UNC5C: variants seen among roughly 807,000 people sequenced by gnomAD.
The protein encoded by UNC5C is netrin receptor UNC5C.
UNC5C carries 47 observed loss-of-function variants against 99.8 expected under a neutral mutation model. The ratio of observed to expected loss-of-function variants is 0.47; its 90% CI spans 0.37 to 0.60. UNC5C has a LOEUF of 0.60. UNC5C is among the 20% of genes least tolerant of loss of function. The probability of loss-of-function intolerance (pLI) is 0.00; values close to 1 mark genes in which losing one functional copy is unlikely to be tolerated. For synonymous variants in UNC5C, 487 were observed against 452.2 expected (o/e 1.08, Z -0.98); for missense variants, 1,062 against 1,165.9 (o/e 0.91, Z 1.30).
At chr4:95,258,743 A>ACTCTT (rs1184674099) in intron 4 of UNC5C, among the ~76,000 whole-genome samples, 3 of 85,878 alleles carry the variant, frequency 3.5e-5, no homozygotes, top group Admixed American at 2.5e-4. Flanking sequence ...CGACCATCTT[A>ACTCTT]TTCTTTTTTT....
At chr4:95,350,439 A>G (rs1315099529) in intron 1 of UNC5C, among the ~76,000 whole-genome samples, 1 of 151,832 alleles carries the variant, frequency 6.6e-6, no homozygotes, top group East Asian at 2.0e-4. Flanking sequence ...GTGAGCTGAG[A>G]TCGTGCCACT....
At chr4:95,249,558 G>A (rs1275204360) in intron 5 of UNC5C, among the ~76,000 whole-genome samples, 1 of 152,184 alleles carries the variant, frequency 6.6e-6, no homozygotes, top group African/African-American at 2.4e-5. Context: ...CAGTCTCTCA[G>A]TCTATCAAGG....
chr4:95,480,265 T>C (rs1721097047), intron 1 of UNC5C, among the ~76,000 whole-genome samples: 1 of 148,754 alleles, frequency 6.7e-6, no homozygotes, highest in African/African-American at 2.5e-5. Context: ...ATATTTATAA[T>C]CATATACATA....
intron 2 of UNC5C, among the ~76,000 whole-genome samples, chr4:95,310,438 G>A (rs1742236264): frequency 6.6e-6 from 1 of 151,756 alleles, no homozygotes; most frequent in Non-Finnish European, 1.5e-5. Flanking sequence ...AGATTTTTAA[G>A]TGTTCTCATT....
chr4:95,456,710 G>A (rs2149469347), intron 1 of UNC5C, among the ~76,000 whole-genome samples: 1 of 152,204 alleles, frequency 6.6e-6, no homozygotes, highest in African/African-American at 2.4e-5. Context: ...GTACCAATGT[G>A]TAAAAATGAA....
chr4:95,463,671 G>A (rs1412523982), intron 1 of UNC5C, among the ~76,000 whole-genome samples: 1 of 152,144 alleles, frequency 6.6e-6, no homozygotes, highest in Admixed American at 6.6e-5. Context: ...TCAGATTATT[G>A]TAAATGTAAA....
chr4:95,224,151 C>T (rs552644408), intron 7 of UNC5C, among the ~76,000 whole-genome samples: 53 of 152,232 alleles, frequency 3.5e-4, no homozygotes, highest in Middle Eastern at 3.4e-3. Flanking sequence ...GGCATGGTGG[C>T]GCGTGCCTGT....
intron 7 of UNC5C, among the ~76,000 whole-genome samples, chr4:95,232,583 C>A (rs2149373976): frequency 6.6e-6 from 1 of 152,232 alleles, no homozygotes; most frequent in East Asian, 1.9e-4. Context: ...CTTGGTGGCA[C>A]CTTTCTTGAT....
intron 5 of UNC5C, among the ~76,000 whole-genome samples, chr4:95,247,402 T>G (rs1265045541): frequency 2.0e-5 from 3 of 152,068 alleles, no homozygotes; most frequent in African/African-American, 7.2e-5. Flanking sequence ...CTGCTCAAGT[T>G]TACAAAATTC....
intron 1 of UNC5C, among the ~76,000 whole-genome samples, chr4:95,459,834 A>G (rs1747548150): frequency 6.6e-6 from 1 of 152,166 alleles, no homozygotes; most frequent in Non-Finnish European, 1.5e-5. Flanking sequence ...TGATAATATC[A>G]TTACCATAAG....
At chr4:95,420,589 C>T (rs1277038425) in intron 1 of UNC5C, among the ~76,000 whole-genome samples, 1 of 151,962 alleles carries the variant, frequency 6.6e-6, no homozygotes, top group Non-Finnish European at 1.5e-5. Context: ...CATTTGTTTT[C>T]CTTCTTTTAA....
chr4:95,275,823 T>C (rs1740839230), intron 4 of UNC5C, among the ~76,000 whole-genome samples: 1 of 152,236 alleles, frequency 6.6e-6, no homozygotes, highest in Non-Finnish European at 1.5e-5. Flanking sequence ...ATCAGCCATA[T>C]GTTCATTGAA....
intron 12 of UNC5C, among the ~76,000 whole-genome samples, chr4:95,192,070 C>T (rs1165155964): frequency 7.2e-6 from 1 of 139,290 alleles, no homozygotes; most frequent in Non-Finnish European, 1.6e-5. Flanking sequence ...TTCCCCTGCT[C>T]ACCTCCTCCT....
chr4:95,371,782 G>T (rs1473168042), intron 1 of UNC5C, among the ~76,000 whole-genome samples: 1 of 152,126 alleles, frequency 6.6e-6, no homozygotes, highest in East Asian at 1.9e-4. Flanking sequence ...TGAGAAGCTG[G>T]AAATCAAATG....
chr4:95,417,660 C>T (rs932544158), intron 1 of UNC5C, among the ~76,000 whole-genome samples: 14 of 152,104 alleles, frequency 9.2e-5, no homozygotes, highest in African/African-American at 3.4e-4. Flanking sequence ...ATGTATGAGG[C>T]AGAGCCAAGG....
At chr4:95,203,755 C>T (rs115047331) in intron 11 of UNC5C, among the ~76,000 whole-genome samples, 4,515 of 152,270 alleles carry the variant, frequency 0.03, 90 homozygotes, top group South Asian at 0.075. Flanking sequence ...TGAGCCACCA[C>T]GCCCAGCCAC....
At chr4:95,370,887 C>T (rs1744726915) in intron 1 of UNC5C, among the ~76,000 whole-genome samples, 1 of 152,080 alleles carries the variant, frequency 6.6e-6, no homozygotes, top group Non-Finnish European at 1.5e-5. Flanking sequence ...TCAAAGTGGT[C>T]ATTCGTTTTT....
intron 1 of UNC5C, among the ~76,000 whole-genome samples, chr4:95,363,572 TAAAAG>T (rs148424090): frequency 0.027 from 4,096 of 152,254 alleles, 153 homozygotes; most frequent in African/African-American, 0.093. Flanking sequence ...TTGCACTCTA[TAAAAG>T]AGGCTTTGCT....
intron 11 of UNC5C, among the ~76,000 whole-genome samples, chr4:95,204,349 C>T (rs566362666): frequency 2.0e-5 from 3 of 152,220 alleles, no homozygotes; most frequent in African/African-American, 4.8e-5. Flanking sequence ...GTTGGGATTC[C>T]GAATGCATCC....
Sources: allele counts gnomAD v4.1 joint callset (sites outside exome capture counted in the v4.1 genomes callset), GRCh38; gene constraint gnomAD v4.1.1; transcripts MANE v1.5; gene names NCBI Gene and HGNC (gene_info 2026-07-23, HGNC 2026-07-21).